Variants in PTCHD4 observed in about 807,000 individuals in gnomAD.
PTCHD4 encodes the protein patched domain-containing protein 4.
In PTCHD4, 33 loss-of-function variants were observed where a neutral mutation model predicts 58.1. The ratio of observed to expected loss-of-function variants is 0.57; its 90% confidence interval spans 0.43 to 0.76. The LOEUF is 0.76. Ranked by LOEUF, PTCHD4 falls within the 30% of genes least tolerant of loss-of-function variation. The pLI, the probability that PTCHD4 is intolerant of heterozygous loss-of-function variation, is 0.00. For synonymous variants in PTCHD4, 478 were observed against 409.6 expected, an observed-to-expected ratio of 1.17 and a Z score of -2.02; for missense variants, 1,058 against 1,027.1, an observed-to-expected ratio of 1.03 and a Z score of -0.41.
chr6:47,905,975 G>A (rs543806386), intron 4 of PTCHD4, among the ~76,000 whole-genome samples: 2 of 152,350 alleles, frequency 1.3e-5, no homozygotes, highest in Non-Finnish European at 2.9e-5. Context: ...TTGTCTGTGG[G>A]GCCCCTGGGG....
chr6:47,926,857 C>T (rs1038945844), intron 4 of PTCHD4, among the ~76,000 whole-genome samples: 4 of 152,186 alleles, frequency 2.6e-5, no homozygotes, highest in Admixed American at 6.5e-5. Flanking sequence ...TTAGCACACA[C>T]AATGTCTGAC....
At chr6:47,978,359 C>T (rs976927130) in intron 4 of PTCHD4, among the ~76,000 whole-genome samples, 4 of 152,104 alleles carry the variant, frequency 2.6e-5, no homozygotes, top group African/African-American at 4.8e-5. Flanking sequence ...TACCAAGAGG[C>T]GGTATGAGTT....
At chr6:47,943,765 C>G (rs957012704) in intron 4 of PTCHD4, among the ~76,000 whole-genome samples, 4 of 152,026 alleles carry the variant, frequency 2.6e-5, no homozygotes, top group Non-Finnish European at 4.4e-5. Flanking sequence ...CAATCTGTCC[C>G]TTCAGGGAAG....
intron 3 of PTCHD4, among the ~76,000 whole-genome samples, chr6:48,034,905 C>T (rs558456441): frequency 6.6e-6 from 1 of 152,220 alleles, no homozygotes; most frequent in East Asian, 1.9e-4. Context: ...TCGTCAGGGA[C>T]AGGGTGGTAT....
At chr6:47,911,302 T>C (rs1536818) in intron 4 of PTCHD4, among the ~76,000 whole-genome samples, 84,324 of 151,944 alleles carry the variant, frequency 0.55, 25,086 homozygotes, top group East Asian at 0.78. Context: ...GTCTTCTGTA[T>C]GTAAGCCACT....
chr6:47,986,433 C>A (rs1474438626), intron 4 of PTCHD4, among the ~76,000 whole-genome samples: 1 of 152,134 alleles, frequency 6.6e-6, no homozygotes, highest in African/African-American at 2.4e-5. Flanking sequence ...AGGTGGTATA[C>A]TTACAAAAAT....
chr6:48,047,663 A>T (rs969002652), intron 3 of PTCHD4, among the ~76,000 whole-genome samples: 1 of 151,762 alleles, frequency 6.6e-6, no homozygotes, highest in Non-Finnish European at 1.5e-5. Context: ...GGAAGTGACT[A>T]GGTAATCTGG....
intron 4 of PTCHD4, among the ~76,000 whole-genome samples, chr6:47,897,276 A>G (rs1764554108): frequency 6.6e-6 from 1 of 152,224 alleles, no homozygotes; most frequent in Non-Finnish European, 1.5e-5. Context: ...GCAATTTATC[A>G]ATAGGTTGGC....
In PTCHD4 at chr6:47,863,743, A is replaced by G. The variant is rs889045243; in HGVS notation, c.*14560T>C. ...CTATAACAGGACTTCTCTGAAAATG[A>G]CACATTCTTTTATACTCTACGCCTT... On this transcript the variant is annotated 3_prime_UTR_variant, in exon 5 of 5. Coordinates refer to ENST00000339488, the MANE Select transcript of PTCHD4 (RefSeq NM_001384253.1). Among the ~76,000 whole-genome samples the G allele has an allele frequency of 6.6e-6, 1 of 151,970 alleles. No homozygotes were observed. The highest frequency in any genetic ancestry group is 2.4e-5 in the African/African-American group (1 of 41,410).
intron 4 of PTCHD4, among the ~76,000 whole-genome samples, chr6:47,945,087 G>A (rs901015761): frequency 2.6e-5 from 4 of 152,050 alleles, no homozygotes. Context: ...AATGACATAC[G>A]ATGGGTAATT....
chr6:47,960,890 C>CA (rs1410166087), intron 4 of PTCHD4, among the ~76,000 whole-genome samples: 1 of 137,282 alleles, frequency 7.3e-6, no homozygotes, highest in Non-Finnish European at 1.6e-5. Context: ...AACAAGTAGA[C>CA]AAAAAATCAG....
chr6:47,924,968 A>C (rs1406258608), intron 4 of PTCHD4, among the ~76,000 whole-genome samples: 1 of 149,834 alleles, frequency 6.7e-6, no homozygotes, highest in Non-Finnish European at 1.5e-5. Context: ...GCATATACAT[A>C]TATATACATT....
chr6:47,966,571 T>C (rs764925406), intron 4 of PTCHD4, among the ~76,000 whole-genome samples: 2 of 152,214 alleles, frequency 1.3e-5, no homozygotes, highest in Non-Finnish European at 2.9e-5. Context: ...TGCTGTTTGA[T>C]AGCATTTTCC....
rs1764860742 is a variant in PTCHD4, at chr6:48,068,139, C to G, written c.417+91G>C. 1 of 1,391,078 alleles carries G rather than the reference C, an allele frequency of 7.2e-7. No individual in the cohort carries two copies. The highest frequency in any genetic ancestry group is 9.8e-7 in the Non-Finnish European group (1 of 1,025,132). The allele number at this position is 1,391,078 out of a possible 1,614,324, so 86.2% of individuals were successfully genotyped here. On this transcript the variant is annotated intron_variant, in intron 3 of 4. Transcript: ENST00000339488. The surrounding 1 kb of genome is among the most constrained non-coding windows in gnomAD (Gnocchi z 4.2). ...GCAGCCTGCCTGAGATCCTCTAGCA[C>G]TGAAATAATATCATCCAGCACGCAT...
rs546385996 is a variant in PTCHD4 at position 48,033,461 on chromosome 6, C to T, written c.418-24347G>A. On this transcript the variant is annotated intron_variant, in intron 3 of 4. Coordinates refer to ENST00000339488, the MANE Select transcript of PTCHD4 (RefSeq NM_001384253.1). ...TTCAGCAACAGGAGTGTCACTGTGG[C>T]TGCACCTCTCCATCTAGTGAGACCG... Among the ~76,000 whole-genome samples, 3 of 151,570 alleles carry T rather than the reference C, an allele frequency of 2.0e-5. No individual in the cohort carries two copies. The South Asian group carries it at 6.3e-4, about 32-fold the overall frequency.
intron 1 of PTCHD4, among the ~76,000 whole-genome samples, chr6:48,077,013 C>T (rs1365913693): frequency 6.6e-6 from 1 of 152,196 alleles, no homozygotes; most frequent in East Asian, 1.9e-4. Context: ...TCCACAAGGA[C>T]TCAAATATAG....
chr6:48,023,012 G>C (rs941980727), intron 3 of PTCHD4, among the ~76,000 whole-genome samples: 1 of 152,092 alleles, frequency 6.6e-6, no homozygotes, highest in Non-Finnish European at 1.5e-5. Context: ...ATGTAGGAGA[G>C]TAGTGACCCA....
intron 4 of PTCHD4, among the ~76,000 whole-genome samples, chr6:47,954,650 A>G (rs570036415): frequency 6.6e-6 from 1 of 152,268 alleles, no homozygotes; most frequent in East Asian, 1.9e-4. Context: ...ATATGCCATT[A>G]CTGGTATTTT....
chr6:48,032,052 G>A (rs771989616), intron 3 of PTCHD4, among the ~76,000 whole-genome samples: 18 of 121,044 alleles, frequency 1.5e-4, no homozygotes, highest in Non-Finnish European at 2.9e-4. Flanking sequence ...CCTTGACATG[G>A]CTATTCTCCA....
Sources: allele counts gnomAD v4.1 joint callset (sites outside exome capture counted in the v4.1 genomes callset), GRCh38; gene constraint gnomAD v4.1.1; non-coding constraint Gnocchi (gnomAD v3.1); transcripts MANE v1.5; gene names NCBI Gene and HGNC (gene_info 2026-07-23, HGNC 2026-07-21).